The following EXOC6 variants were observed in gnomAD, a reference collection of about 807,000 sequenced individuals.
EXOC6 encodes the protein SEC15-like 1.
A neutral mutation model predicts 112.5 loss-of-function variants in EXOC6; 60 were observed. That is an observed-to-expected ratio of 0.53 (90% CI 0.43 to 0.66). The LOEUF (loss-of-function observed/expected upper bound fraction) is 0.66, where lower values mean the gene tolerates loss of function less well. Among genes scored for constraint, EXOC6 ranks in the 30% least tolerant of loss-of-function variants. EXOC6 has a pLI of 0.00. For missense variants in EXOC6, 855 were observed against 957.1 expected (o/e 0.89, Z 1.41); for synonymous variants, 295 against 308.0 (o/e 0.96, Z 0.44).
In EXOC6 at chr10:92,997,995, A is replaced by G. The variant is rs188761718; in HGVS notation, c.2095+380A>G. The stretch of plus-strand genomic sequence containing the variant: ...AAGTAACTTTTTAGATACTTGCTAG[A>G]AGAATAAGCTCAGGACCTTGCATTC... On this transcript the variant is annotated intron_variant, in intron 19 of 21. Coordinates refer to ENST00000260762, the MANE Select transcript of EXOC6 (RefSeq NM_019053.6). Among the ~76,000 whole-genome samples, 3 of 152,338 alleles carry G rather than the reference A, an allele frequency of 2.0e-5. No individual in the cohort carries two copies. The East Asian group carries it at 5.8e-4, about 29-fold the overall frequency.
At chr10:92,865,493 C>T (rs139263217) in intron 1 of EXOC6, among the ~76,000 whole-genome samples, 46 of 152,134 alleles carry the variant, frequency 3.0e-4, no homozygotes, top group African/African-American at 1.1e-3. Flanking sequence ...GCCAAGATTG[C>T]GCCACTGCAC....
chr10:92,883,161 A>G (rs968428646), intron 1 of EXOC6, among the ~76,000 whole-genome samples: 1 of 152,220 alleles, frequency 6.6e-6, no homozygotes, highest in Non-Finnish European at 1.5e-5. Context: ...TTGGCTTTAA[A>G]TCAATTGTGA....
rs1349391123 is a variant in EXOC6 at position 92,940,712 on chromosome 10, T to C, written c.1213-15T>C. The C allele has an allele frequency of 6.6e-7, 1 of 1,521,664 alleles. No homozygotes were observed. Among genetic ancestry groups the C allele is most frequent in the East Asian group, 2.3e-5 (1 of 44,330 alleles). The allele number at this position is 1,521,664 out of a possible 1,614,324, so 94.3% of individuals were successfully genotyped here. A position where few individuals can be genotyped will look rare whatever the true frequency, so the allele number is the denominator to read the frequency against. ...TACACTTGTTTATCTGCTTTTTTTT[T>C]TTTTTGTATTTTAGGGTTATGGTTT... On this transcript the variant is annotated splice_polypyrimidine_tract_variant and intron_variant, in intron 12 of 21. Transcript: ENST00000260762.
In EXOC6 at chr10:92,976,325, A is replaced by G. The variant is rs138391336; in HGVS notation, c.1953+2093A>G. Among the ~76,000 whole-genome samples the G allele has an allele frequency of 1.9e-3, 283 of 152,344 alleles. 3 individuals carry two copies. Among genetic ancestry groups the G allele is most frequent in the African/African-American group, 6.6e-3 (276 of 41,572 alleles). On this transcript the variant is annotated intron_variant, in intron 18 of 21. Transcript: ENST00000260762. ...TGAGAGACTTTTCACTTTGTTCTGT[A>G]CTAAGAAAAATACTTATCCTGTTGA...
rs1004462442 is a variant in EXOC6, at chr10:93,019,015, A to G, written c.2169+4748A>G. Among the ~76,000 whole-genome samples, 4 of 152,104 alleles carry G rather than the reference A, an allele frequency of 2.6e-5. No individual in the cohort carries two copies. In the East Asian group the frequency reaches 5.8e-4, roughly 22 times the overall value. ...GATTGCTAACCCAACATCAAGCAAA[A>G]CAAGAATTACATGGAACTGAACTGA... On this transcript the variant is annotated intron_variant, in intron 20 of 21. Coordinates refer to ENST00000260762, the MANE Select transcript of EXOC6 (RefSeq NM_019053.6).
chr10:92,864,161 A>G (rs1274593975), intron 1 of EXOC6, among the ~76,000 whole-genome samples: 2 of 152,210 alleles, frequency 1.3e-5, no homozygotes, highest in Non-Finnish European at 2.9e-5. Flanking sequence ...TCTGGCAAAC[A>G]GACTCACTGT....
Position 92,934,234 on chromosome 10 carries a change from T to C in EXOC6, c.1019+44T>C, listed in dbSNP as rs1269655176. On this transcript the variant is annotated intron_variant, in intron 10 of 21. Transcript: ENST00000260762. ...AATAACTATTATTAATTTTATATTA[T>C]GTTAAATGCCAGAAATACTTACTTT... The C allele has an allele frequency of 3.3e-6, 5 of 1,528,036 alleles. No homozygotes were observed. In the South Asian group the frequency reaches 6.3e-5, roughly 19 times the overall value. 94.7% of individuals were successfully genotyped at this position (1,528,036 alleles called of 1,614,324 possible).
At chr10:92,933,166 A>G (rs1027485461) in intron 9 of EXOC6, among the ~76,000 whole-genome samples, 2 of 152,192 alleles carry the variant, frequency 1.3e-5, no homozygotes, top group African/African-American at 4.8e-5. Flanking sequence ...ACTTGATAAC[A>G]TTGACTCAAA....
Position 92,974,076 on chromosome 10 carries a change from A to G in EXOC6, c.1797A>G (p.Gly599=), listed in dbSNP as rs1009300833. ...TFKDARHAAE[G]EIYTKLNQKI... ...AGGATGCTCGACATGCAGCAGAAGG[A>G]GAAATATATACCAAACTGAATCAAA... is the stretch of plus-strand genomic sequence containing the variant. Residue 599 remains glycine, a synonymous_variant, in exon 18 of 22, where the codon GGA becomes GGG. Transcript: ENST00000260762. 2 of 1,596,118 alleles carry G rather than the reference A, an allele frequency of 1.3e-6. No homozygotes were observed. The highest frequency in any genetic ancestry group is 1.4e-5 in the African/African-American group (1 of 73,866).
Position 92,885,862 on chromosome 10 carries a change from T to C in EXOC6, c.102-7487T>C, listed in dbSNP as rs554127319. Among the ~76,000 whole-genome samples, 265 of 152,270 alleles carry C rather than the reference T, an allele frequency of 1.7e-3. 1 individual carries two copies. The highest frequency in any genetic ancestry group is 3.7e-3 in the Admixed American group (57 of 15,288). ...TTTATTTTACCTTTGTCCTGAACTCTCTTACATTGATGTGTCATTATCTAT... is the reference window on the plus strand; with the variant it reads ...TTTATTTTACCTTTGTCCTGAACTCCCTTACATTGATGTGTCATTATCTAT... On this transcript the variant is annotated intron_variant, in intron 1 of 21. Transcript: ENST00000260762.
intron 1 of EXOC6, among the ~76,000 whole-genome samples, chr10:92,857,889 G>C (rs930723520): frequency 1.3e-5 from 2 of 151,698 alleles, no homozygotes; most frequent in African/African-American, 4.8e-5. Flanking sequence ...TGTAAGGCTG[G>C]TCTGCTTGAA....
chr10:92,938,976 AGCATGT>A (rs1376033258), intron 12 of EXOC6, among the ~76,000 whole-genome samples: 2 of 152,138 alleles, frequency 1.3e-5, no homozygotes, highest in African/African-American at 4.8e-5. Flanking sequence ...GAAGAAAAAT[AGCATGT>A]GTAAACTATA....
intron 7 of EXOC6, among the ~76,000 whole-genome samples, chr10:92,916,595 C>T (rs779079337): frequency 2.6e-5 from 4 of 152,160 alleles, no homozygotes; most frequent in Non-Finnish European, 4.4e-5. Context: ...ATTACAAGTC[C>T]TTTCTAGCAA....
chr10:93,031,809 G>A (rs572277541), intron 20 of EXOC6, among the ~76,000 whole-genome samples: 144 of 152,038 alleles, frequency 9.5e-4, no homozygotes, highest in Non-Finnish European at 1.4e-3. Flanking sequence ...CACCGTGCCC[G>A]CCCCCATGCC....
At chr10:92,865,222 C>T (rs912190322) in intron 1 of EXOC6, among the ~76,000 whole-genome samples, 1 of 152,070 alleles carries the variant, frequency 6.6e-6, no homozygotes, top group African/African-American at 2.4e-5. Context: ...GGGGCACTGT[C>T]CCCTCATTGC....
chr10:92,925,195 T>C (rs1379033721), intron 8 of EXOC6, among the ~76,000 whole-genome samples: 1 of 152,192 alleles, frequency 6.6e-6, no homozygotes, highest in African/African-American at 2.4e-5. Flanking sequence ...GAAAACAGAA[T>C]AAGTAATGAG....
chr10:92,890,466 G>A (rs1281378308), intron 1 of EXOC6, among the ~76,000 whole-genome samples: 2 of 152,072 alleles, frequency 1.3e-5, no homozygotes, highest in Non-Finnish European at 2.9e-5. Flanking sequence ...CTAGGGCTGG[G>A]GATGCAATAG....
intron 1 of EXOC6, among the ~76,000 whole-genome samples, chr10:92,864,022 C>T (rs1348374499): frequency 6.6e-6 from 1 of 151,158 alleles, no homozygotes; most frequent in Non-Finnish European, 1.5e-5. Flanking sequence ...GAAAATGAAT[C>T]ATTTAAAAAT....
chr10:92,827,875 GC>G (rs1393982834), intron 1 of EXOC6, among the ~76,000 whole-genome samples: 3 of 152,140 alleles, frequency 2.0e-5, no homozygotes, highest in Non-Finnish European at 4.4e-5. Context: ...CTCTCATTCT[GC>G]CTTTCTGAAA....
Sources: gnomAD v4.1 joint callset for allele counts (sites outside exome capture counted in the v4.1 genomes callset) on GRCh38, gnomAD v4.1.1 for gene constraint, MANE v1.5 for transcripts, NCBI Gene and HGNC (gene_info 2026-07-23, HGNC 2026-07-21) for gene names.